Variants in DNAH1 observed in about 807,000 individuals in gnomAD.
The protein encoded by DNAH1 is axonemal beta dynein heavy chain 1.
In DNAH1, 327 loss-of-function variants were observed where a neutral mutation model predicts 484.3. The observed-to-expected ratio is 0.68, with a 90% CI of 0.62 to 0.74. The LOEUF is 0.74. Among genes scored for constraint, DNAH1 ranks in the 30% least tolerant of loss-of-function variants. DNAH1 has a pLI of 0.00. For missense variants in DNAH1, 5,052 were observed against 5,546.8 expected (o/e 0.91, Z 2.83); for synonymous variants, 2,192 against 2,191.9 (o/e 1.00, Z 0.00).
intron 37 of DNAH1, 43 bp from the exon 38 acceptor site, chr3:52,369,782 G>T: frequency 6.4e-7 from 1 of 1,570,686 alleles, no homozygotes. Flanking sequence ...CCAGGCCTGA[G>T]GACTGGCAGC....
rs376032415 is a variant in DNAH1 at position 52,354,939 on chromosome 3, G to A, written c.3577G>A (p.Ala1193Thr). Residue 1193 changes from alanine to threonine, a missense_variant, in exon 21 of 78, where the codon GCC (alanine) becomes ACC (threonine). Physicochemically the swap from Ala to Thr is moderately conservative, Grantham distance 58 (BLOSUM62 0). Transcript: ENST00000420323. Reference protein sequence around the residue: ...DTYILKSPDEASQLLDDHIVM... With the variant: ...DTYILKSPDETSQLLDDHIVM... ...CTACATCCTGAAGAGCCCGGACGAG[G>A]CCTCACAGCTGCTGGACGACCACAT... The A allele has an allele frequency of 3.1e-5, 50 of 1,613,902 alleles. No individual in the cohort carries two copies. The highest frequency in any genetic ancestry group is 3.6e-5 in the Non-Finnish European group (43 of 1,179,914).
In DNAH1 at chr3:52,361,863, C is replaced by A; in HGVS notation, c.4980+97C>A. ...GGCTGAGAAGCCAGGCGCTAAGGTC[C>A]ACCCTGGGTCCAGCCTCTCTTGTCC... On this transcript the variant is annotated intron_variant, in intron 30 of 77. Transcript: ENST00000420323. The surrounding 1 kb of genome is among the most constrained non-coding windows in gnomAD (Gnocchi z 5.6). The A allele has an allele frequency of 7.7e-7, 1 of 1,294,172 alleles. No homozygotes were observed. The highest frequency in any genetic ancestry group is 1.1e-6 in the Non-Finnish European group (1 of 933,582). The allele number at this position is 1,294,172 out of a possible 1,614,324, so 80.2% of individuals were successfully genotyped here. A position where few individuals can be genotyped will look rare whatever the true frequency, so the allele number is the denominator to read the frequency against.
intron 3 of DNAH1, among the ~76,000 whole-genome samples, chr3:52,325,581 C>T (rs1235820145): frequency 1.3e-5 from 2 of 152,232 alleles, no homozygotes; most frequent in Non-Finnish European, 2.9e-5. Flanking sequence ...CCCCTTCCCC[C>T]AGGTATGGAA....
chr3:52,386,609 C>A, intron 55 of DNAH1, 53 bp from the exon 56 acceptor site: 3 of 1,489,766 alleles, frequency 2.0e-6, no homozygotes, highest in South Asian at 1.3e-5. Context: ...GGGTCCCTGC[C>A]GAGGGGTGCC....
chr3:52,357,984 G>T lies in DNAH1; in HGVS notation c.4067G>T (p.Cys1356Phe), dbSNP rs1158337745. ...GCCGTGCAGCCACACCTGCGCAAGT[G>T]CTTCGAGAACATCGCTCGGGTGGGC... ...PTAVQPHLRK[C>F]FENIARLLFQ... Residue 1356 changes from cysteine to phenylalanine, a missense_variant, in exon 24 of 78, where the codon TGC becomes TTC. Coordinates refer to ENST00000420323, the MANE Select transcript of DNAH1 (RefSeq NM_015512.5). The T allele has an allele frequency of 6.2e-7, 1 of 1,610,282 alleles. No individual in the cohort carries two copies. Among genetic ancestry groups the T allele is most frequent in the African/African-American group, 1.3e-5 (1 of 74,876 alleles).
intron 8 of DNAH1, among the ~76,000 whole-genome samples, chr3:52,335,283 C>A (rs1287904695): frequency 6.9e-6 from 1 of 144,436 alleles, no homozygotes; most frequent in Non-Finnish European, 1.5e-5. Flanking sequence ...TCTCGATCTC[C>A]TGACCTCGTG....
intron 17 of DNAH1, 101 bp from the exon 18 acceptor site, chr3:52,352,451 A>T: frequency 6.9e-7 from 1 of 1,459,380 alleles, no homozygotes; most frequent in South Asian, 1.3e-5. Context: ...AACTCGGAGG[A>T]GTGGACGTCC....
At chr3:52,378,512 C>G in intron 46 of DNAH1, 90 bp from the exon 47 acceptor site, 1 of 1,403,616 alleles carries the variant, frequency 7.1e-7, no homozygotes, top group Non-Finnish European at 9.9e-7. Flanking sequence ...GTGGGGGGCA[C>G]AGCACAGCAA....
At chr3:52,383,792 C>G in intron 51 of DNAH1, 68 bp from the exon 52 acceptor site, 1 of 1,504,692 alleles carries the variant, frequency 6.6e-7, no homozygotes. Context: ...TGCAAGGGCC[C>G]TGGGTCCTGG....
chr3:52,388,773 C>G, intron 58 of DNAH1, 33 bp from the exon 59 acceptor site: 1 of 1,611,486 alleles, frequency 6.2e-7, no homozygotes, highest in Non-Finnish European at 8.5e-7. Flanking sequence ...AGCCCAGCCT[C>G]CCAGAGCCCA....
intron 46 of DNAH1, among the ~76,000 whole-genome samples, chr3:52,376,268 A>G (rs1031309133): frequency 1.3e-5 from 2 of 152,204 alleles, no homozygotes; most frequent in Admixed American, 1.3e-4. Context: ...AAATAAGGGA[A>G]TCCAACAAAC....
At chr3:52,315,614 C>A (rs536162716), upstream of DNAH1, among the ~76,000 whole-genome samples, 2 of 152,336 alleles carry the variant, frequency 1.3e-5, no homozygotes, top group Non-Finnish European at 2.9e-5. Context: ...CTTGTAGAAA[C>A]CTAGTCCTCC....
chr3:52,386,870 C>T lies in DNAH1; in HGVS notation c.9003+17C>T. 1 of 1,531,894 alleles carries T rather than the reference C, an allele frequency of 6.5e-7. No homozygotes were observed. The highest frequency in any genetic ancestry group is 8.8e-7 in the Non-Finnish European group (1 of 1,138,310). 94.9% of individuals were successfully genotyped at this position (1,531,894 alleles called of 1,614,324 possible). On this transcript the variant is annotated intron_variant, in intron 56 of 77. Coordinates refer to ENST00000420323, the MANE Select transcript of DNAH1 (RefSeq NM_015512.5). ...TTTGACAAGGTAAGCATGCCAGGCA[C>T]CCTGGCCAGCCAGCGAGTGAGGACA...
chr3:52,370,404 G>A (rs1240820629), intron 39 of DNAH1, 73 bp from the exon 40 acceptor site: 25 of 1,596,342 alleles, frequency 1.6e-5, no homozygotes, highest in Non-Finnish European at 2.1e-5. Flanking sequence ...GTCAAGACAT[G>A]CCCCTGCCCC....
intron 43 of DNAH1, 98 bp downstream of exon 43, chr3:52,372,485 G>GCAAAC: frequency 6.6e-7 from 1 of 1,504,154 alleles, no homozygotes; most frequent in Non-Finnish European, 8.9e-7. Flanking sequence ...TCCTGGGTTT[G>GCAAAC]CCAGGAACCT....
At chr3:52,375,548 T>C in intron 45 of DNAH1, 135 bp downstream of exon 45, 1 of 928,896 alleles carries the variant, frequency 1.1e-6, no homozygotes, top group Non-Finnish European at 1.6e-6. Context: ...CACCTCTCAC[T>C]CAGCTGTGTG....
chr3:52,361,231 A>G lies in DNAH1; in HGVS notation c.4753A>G (p.Thr1585Ala), dbSNP rs1346856957. 4 of 1,612,860 alleles carry G rather than the reference A, an allele frequency of 2.5e-6. No individual in the cohort carries two copies. Among genetic ancestry groups the G allele is most frequent in the Non-Finnish European group, 3.4e-6 (4 of 1,179,572 alleles). Residue 1585 changes from threonine to alanine, a missense_variant, in exon 29 of 78, where the codon ACA becomes GCA. Transcript: ENST00000420323. This position sits in a 1 kb window ranked among gnomAD's most constrained non-coding sequence, Gnocchi z 5.6. ...GGGTGCCCCAGCTGGCCCAGCTGGC[A>G]CAGGCAAAACTGAGACCACCAAAGA... ...FGGAPAGPAG[T>A]GKTETTKDLG...
chr3:52,376,081 C>T, intron 46 of DNAH1, 88 bp downstream of exon 46: 1 of 1,509,200 alleles, frequency 6.6e-7, no homozygotes, highest in Non-Finnish European at 9.0e-7. Context: ...CGACCAGGCG[C>T]CGTGGTGAAC....
chr3:52,320,917 C>T (rs1352570371), intron 1 of DNAH1, among the ~76,000 whole-genome samples: 6 of 150,802 alleles, frequency 4.0e-5, no homozygotes, highest in Admixed American at 1.3e-4. Flanking sequence ...TCTCCTGCCT[C>T]AGCCTCCGGA....
Sources: gnomAD v4.1 joint callset for allele counts (sites outside exome capture counted in the v4.1 genomes callset) on GRCh38, gnomAD v4.1.1 for gene constraint, Gnocchi (gnomAD v3.1) non-coding constraint, MANE v1.5 for transcripts, NCBI Gene and HGNC (gene_info 2026-07-23, HGNC 2026-07-21) for gene names.